Variants in MAML3 observed in about 807,000 individuals in gnomAD.
MAML3 encodes the protein mastermind-like protein 3.
A neutral mutation model predicts 101.9 loss-of-function variants in MAML3; 27 were observed. The ratio of observed to expected loss-of-function variants is 0.27; its 90% CI spans 0.20 to 0.37. MAML3 has a LOEUF of 0.37. MAML3 is among the 10% of genes least tolerant of loss of function. The pLI is 1.00. For missense variants in MAML3, 1,316 were observed against 1,444.9 expected (o/e 0.91, Z 1.45); for synonymous variants, 501 against 555.9 (o/e 0.90, Z 1.39).
At position 139,814,078 on chromosome 4, in the gene MAML3, T is replaced by C. The variant is rs141870695; in HGVS notation, c.2079+75279A>G. ...CACAGAATGATGATTTCACCAAAAG[T>C]TGTGATATATCAATAAGTAGGAAGA... is the stretch of plus-strand genomic sequence containing the variant. On this transcript the variant is annotated intron_variant, in intron 2 of 4. Coordinates refer to ENST00000509479, the MANE Select transcript of MAML3 (RefSeq NM_018717.5). Among the ~76,000 whole-genome samples, 513 of 141,072 alleles carry C rather than the reference T, an allele frequency of 3.6e-3. 4 individuals carry two copies. Among genetic ancestry groups the C allele is most frequent in the Middle Eastern group, 0.011 (3 of 270 alleles). The allele number at this position is 141,072 out of a possible 152,430, so 92.5% of individuals were successfully genotyped here. A position where few individuals can be genotyped will look rare whatever the true frequency, so the allele number is the denominator to read the frequency against.
chr4:140,028,065 A>C (rs1287015995), intron 1 of MAML3, among the ~76,000 whole-genome samples: 1 of 152,254 alleles, frequency 6.6e-6, no homozygotes, highest in African/African-American at 2.4e-5. Context: ...TGTTTATGGA[A>C]TACTTATTAT....
chr4:139,730,700 T>G, intron 2 of MAML3, 33 bp from the exon 3 acceptor site: 1 of 1,579,870 alleles, frequency 6.3e-7, no homozygotes, highest in Non-Finnish European at 8.7e-7. Flanking sequence ...GATGCAGGGA[T>G]TCCCCATAGA....
At chr4:140,111,587 G>A (rs6833870) in intron 1 of MAML3, among the ~76,000 whole-genome samples, 144,033 of 152,298 alleles carry the variant, frequency 0.95, 68,289 homozygotes, top group East Asian at 1. Flanking sequence ...GAATTTGATA[G>A]ACATCATTTA....
chr4:140,153,145 G>C lies in MAML3; in HGVS notation c.183C>G (p.Gly61=). 1 of 1,550,140 alleles carries C rather than the reference G, an allele frequency of 6.5e-7. No homozygotes were observed. ...GCTTGGGAACGGCCGCCGAACCGCC[G>C]CCGGGGCCCCCGGAGCCGCCGCATC... ...AGGCGGSGGP[G]GGSAAVPKHS... Residue 61 remains glycine (G), a synonymous_variant, in exon 1 of 5, where the codon GGC becomes GGG. Transcript: ENST00000509479.
At chr4:139,908,545 T>C (rs564750020) in intron 1 of MAML3, among the ~76,000 whole-genome samples, 4 of 152,384 alleles carry the variant, frequency 2.6e-5, no homozygotes, top group Admixed American at 2.0e-4. Context: ...AATTGATACA[T>C]GTATTATGAA....
intron 1 of MAML3, among the ~76,000 whole-genome samples, chr4:139,895,395 T>A (rs909064479): frequency 6.6e-6 from 1 of 152,200 alleles, no homozygotes; most frequent in African/African-American, 2.4e-5. Flanking sequence ...GTTGAATAAA[T>A]GAATCCTGGA....
chr4:140,128,503 G>C (rs1728722115), intron 1 of MAML3, among the ~76,000 whole-genome samples: 2 of 152,198 alleles, frequency 1.3e-5, no homozygotes, highest in Non-Finnish European at 2.9e-5. Context: ...GGTTCTGTTA[G>C]GGAATGTCAG....
At chr4:139,832,090 G>GTGCC (rs1731174643) in intron 2 of MAML3, among the ~76,000 whole-genome samples, 1 of 90,644 alleles carries the variant, frequency 1.1e-5, no homozygotes, top group Non-Finnish European at 2.4e-5. Context: ...ATCATGCCCA[G>GTGCC]CCCCTTTTTT....
chr4:140,040,493 T>C (rs1727064204), intron 1 of MAML3, among the ~76,000 whole-genome samples: 1 of 152,204 alleles, frequency 6.6e-6, no homozygotes. Flanking sequence ...CTACACAACG[T>C]TTATATGGTT....
chr4:140,074,716 A>G (rs865862144), intron 1 of MAML3, among the ~76,000 whole-genome samples: 5 of 152,264 alleles, frequency 3.3e-5, no homozygotes, highest in South Asian at 4.1e-4. Flanking sequence ...TAAGAAAATG[A>G]TTGCTTATAG....
At chr4:140,010,130 A>C (rs1726522854) in intron 1 of MAML3, among the ~76,000 whole-genome samples, 1 of 152,228 alleles carries the variant, frequency 6.6e-6, no homozygotes. Flanking sequence ...AAGTGAAGGA[A>C]CAAAGAAAAA....
At chr4:139,843,687 C>G (rs1731398639) in intron 2 of MAML3, among the ~76,000 whole-genome samples, 1 of 152,172 alleles carries the variant, frequency 6.6e-6, no homozygotes, top group South Asian at 2.1e-4. Context: ...CCTGAAGTAT[C>G]TTAATTCGGA....
chr4:140,092,153 T>C (rs1728071315), intron 1 of MAML3, among the ~76,000 whole-genome samples: 1 of 145,172 alleles, frequency 6.9e-6, no homozygotes, highest in Non-Finnish European at 1.5e-5. Flanking sequence ...GTTAATGAAC[T>C]GTCTGGAGGG....
rs117637795 is a variant in MAML3, at chr4:140,003,760, G to A, written c.469-112793C>T. Among the ~76,000 whole-genome samples, 34 of 152,304 alleles carry A rather than the reference G, an allele frequency of 2.2e-4. No individual in the cohort carries two copies. The East Asian group carries it at 5.8e-3, about 26-fold the overall frequency. On this transcript the variant is annotated intron_variant, in intron 1 of 4. Coordinates refer to ENST00000509479, the MANE Select transcript of MAML3 (RefSeq NM_018717.5). The stretch of plus-strand genomic sequence containing the variant: ...AGTCCTAGCTCAGCTAGAACTCTGT[G>A]TCCTAGGAAACATCCCAAAACATCC...
intron 1 of MAML3, among the ~76,000 whole-genome samples, chr4:140,105,806 A>AG (rs1359277394): frequency 6.6e-6 from 1 of 152,180 alleles, no homozygotes; most frequent in Non-Finnish European, 1.5e-5. Context: ...GGCCTGGCCC[A>AG]GGATAAGGAT....
intron 1 of MAML3, among the ~76,000 whole-genome samples, chr4:140,095,558 C>A (rs1728142631): frequency 1.3e-5 from 2 of 152,142 alleles, no homozygotes; most frequent in Non-Finnish European, 2.9e-5. Flanking sequence ...AGAGATAAGA[C>A]CACAGCCCTA....
intron 1 of MAML3, among the ~76,000 whole-genome samples, chr4:139,993,869 C>T (rs1055691769): frequency 2.0e-5 from 3 of 152,096 alleles, no homozygotes; most frequent in Non-Finnish European, 4.4e-5. Flanking sequence ...TCCAACTTAC[C>T]GATTTTTCTT....
intron 4 of MAML3, among the ~76,000 whole-genome samples, chr4:139,724,851 C>T (rs937582252): frequency 5.9e-5 from 9 of 151,578 alleles, no homozygotes; most frequent in African/African-American, 1.5e-4. Context: ...CTCCACCTCC[C>T]GGGTTCAAGC....
chr4:139,953,470 A>G (rs575359481), intron 1 of MAML3, among the ~76,000 whole-genome samples: 10 of 152,294 alleles, frequency 6.6e-5, no homozygotes, highest in African/African-American at 2.4e-4. Flanking sequence ...TACTAAAAAT[A>G]CAAAAATTAG....
Sources: gnomAD v4.1 joint callset for allele counts (sites outside exome capture counted in the v4.1 genomes callset) on GRCh38, gnomAD v4.1.1 for gene constraint, MANE v1.5 for transcripts, NCBI Gene and HGNC (gene_info 2026-07-23, HGNC 2026-07-21) for gene names.